Variants in RPS6KC1 observed in about 807,000 individuals in gnomAD.
The protein encoded by RPS6KC1 is inactive ribosomal protein S6 kinase delta-1.
In RPS6KC1, 54 loss-of-function variants were observed where a neutral mutation model predicts 103.8. The observed-to-expected ratio is 0.52, with a 90% confidence interval of 0.42 to 0.65. RPS6KC1 has a LOEUF of 0.65. RPS6KC1 is among the 30% of genes least tolerant of loss of function. RPS6KC1 has a pLI of 0.00. For synonymous variants in RPS6KC1, 439 were observed against 438.7 expected, an observed-to-expected ratio of 1.00 and a Z score of -0.01; for missense variants, 1,151 against 1,253.8, an observed-to-expected ratio of 0.92 and a Z score of 1.24.
At chr1:213,614,809 G>C in the RPS6KC1 span, among the ~76,000 whole-genome samples, 1 of 152,194 alleles carries the variant, frequency 6.6e-6, no homozygotes, top group Admixed American at 6.5e-5. Flanking sequence ...TGGAAGAGGA[G>C]CTTGCAAACC....
intron 10 of RPS6KC1, among the ~76,000 whole-genome samples, chr1:213,240,060 C>T (rs1038246741): frequency 6.6e-5 from 10 of 152,162 alleles, no homozygotes; most frequent in African/African-American, 9.6e-5. Context: ...TCGGAATTTC[C>T]GTAGCTTGCT....
the RPS6KC1 span, among the ~76,000 whole-genome samples, chr1:213,740,033 G>A: frequency 6.6e-6 from 1 of 152,154 alleles, no homozygotes; most frequent in African/African-American, 2.4e-5. Context: ...TTCTAGAAAT[G>A]AGGGTAATTA....
Position 213,272,763 on chromosome 1 carries a change from TGGG to T in RPS6KC1, c.*134_*136del. On this transcript the variant is annotated 3_prime_UTR_variant, in exon 15 of 15. Transcript: ENST00000366960. ...TTTGGATAAAGACCGTTATAGGAAATGGGGGGGAAATGGCTAAAAGAGAACAAT... is the reference window on the plus strand; with the variant it reads ...TTTGGATAAAGACCGTTATAGGAAATGGGGAAATGGCTAAAAGAGAACAAT... 1.5e-6 allele frequency: 1 copy of T among 653,974 alleles called. No individual in the cohort carries two copies. Among genetic ancestry groups the T allele is most frequent in the East Asian group, 2.8e-5 (1 of 35,550 alleles). 40.5% of individuals were successfully genotyped at this position (653,974 alleles called of 1,614,324 possible).
At chr1:213,192,416 T>G (rs2092781696) in intron 8 of RPS6KC1, among the ~76,000 whole-genome samples, 1 of 152,224 alleles carries the variant, frequency 6.6e-6, no homozygotes. Flanking sequence ...TTTGGAAGTA[T>G]TCCCACCTCT....
At chr1:213,256,629 C>T (rs977055263) in intron 12 of RPS6KC1, among the ~76,000 whole-genome samples, 2 of 151,992 alleles carry the variant, frequency 1.3e-5, no homozygotes, top group African/African-American at 2.4e-5. Context: ...TTGTGGGTTG[C>T]ACAGGCTTCC....
At chr1:213,733,155 A>G in the RPS6KC1 span, among the ~76,000 whole-genome samples, 1 of 152,128 alleles carries the variant, frequency 6.6e-6, no homozygotes, top group Admixed American at 6.5e-5. Context: ...CTTTGCATAT[A>G]TAACAAGTAG....
intron 12 of RPS6KC1, among the ~76,000 whole-genome samples, chr1:213,244,220 C>G (rs1289365469): frequency 1.3e-5 from 2 of 151,260 alleles, no homozygotes; most frequent in Non-Finnish European, 2.9e-5. Flanking sequence ...CCAGATCCTC[C>G]CCACTTTCTA....
chr1:213,812,827 G>A, the RPS6KC1 span, among the ~76,000 whole-genome samples: 1 of 152,108 alleles, frequency 6.6e-6, no homozygotes, highest in African/African-American at 2.4e-5. Context: ...CTGAATGTGG[G>A]GAGCTAAATT....
chr1:213,860,257 C>A, the RPS6KC1 span, among the ~76,000 whole-genome samples: 3 of 151,080 alleles, frequency 2.0e-5, no homozygotes, highest in African/African-American at 4.9e-5. Context: ...TTTTAAATAT[C>A]AATTCTTTAC....
intron 7 of RPS6KC1, among the ~76,000 whole-genome samples, chr1:213,174,990 T>C (rs2091769596): frequency 6.6e-6 from 1 of 152,228 alleles, no homozygotes; most frequent in Admixed American, 6.5e-5. Context: ...CTTTTAAAAC[T>C]TAAACATCAT....
At chr1:213,780,445 A>T in the RPS6KC1 span, among the ~76,000 whole-genome samples, 1 of 152,152 alleles carries the variant, frequency 6.6e-6, no homozygotes, top group Non-Finnish European at 1.5e-5. Context: ...ATGCTACCCA[A>T]ATAGGAGATC....
chr1:213,385,258 G>A, the RPS6KC1 span, among the ~76,000 whole-genome samples: 4 of 152,220 alleles, frequency 2.6e-5, no homozygotes, highest in African/African-American at 9.6e-5. Context: ...GAACACAACA[G>A]TGTTTGCAGG....
At chr1:213,304,665 C>T in the RPS6KC1 span, among the ~76,000 whole-genome samples, 2 of 151,926 alleles carry the variant, frequency 1.3e-5, no homozygotes, top group Non-Finnish European at 2.9e-5. Context: ...GCCTTAGCCT[C>T]CCGAGTAGCT....
chr1:213,345,820 TGCAGCTTTAAGAATTG>T, the RPS6KC1 span, among the ~76,000 whole-genome samples: 1 of 152,238 alleles, frequency 6.6e-6, no homozygotes, highest in Non-Finnish European at 1.5e-5. Flanking sequence ...GCCTCTTGCC[TGCAGCTTTAAGAATTG>T]GCAGATACTT....
At chr1:213,339,985 T>A in the RPS6KC1 span, among the ~76,000 whole-genome samples, 1 of 152,242 alleles carries the variant, frequency 6.6e-6, no homozygotes, top group South Asian at 2.1e-4. Flanking sequence ...CTCTGCCTCC[T>A]GGGTTCAAGC....
chr1:213,686,625 C>T, the RPS6KC1 span, among the ~76,000 whole-genome samples: 1 of 152,112 alleles, frequency 6.6e-6, no homozygotes, highest in Admixed American at 6.5e-5. Context: ...CTGTTTAATT[C>T]TCAACTTATC....
At chr1:213,720,809 T>A in the RPS6KC1 span, among the ~76,000 whole-genome samples, 1 of 152,242 alleles carries the variant, frequency 6.6e-6, no homozygotes, top group Admixed American at 6.5e-5. Context: ...CATTACTGTA[T>A]AATCTTATGC....
the RPS6KC1 span, chr1:213,843,657 C>A: frequency 6.6e-6 from 1 of 152,102 alleles, no homozygotes; most frequent in Non-Finnish European, 1.5e-5. Context: ...CTGACCAACC[C>A]CATTGGAAAT....
chr1:213,628,306 CT>C, the RPS6KC1 span, among the ~76,000 whole-genome samples: 1 of 151,946 alleles, frequency 6.6e-6, no homozygotes, highest in East Asian at 1.9e-4. Context: ...TTTAATTCTT[CT>C]CTCTTTTATT....
Sources: allele counts gnomAD v4.1 joint callset (sites outside exome capture counted in the v4.1 genomes callset), GRCh38; gene constraint gnomAD v4.1.1; transcripts MANE v1.5; gene names NCBI Gene and HGNC (gene_info 2026-07-23, HGNC 2026-07-21).